Variants in SNTG1 observed in about 807,000 individuals in gnomAD.
SNTG1 encodes the protein gamma-1-syntrophin.
In SNTG1, 39 loss-of-function variants were observed where a neutral mutation model predicts 74.7. That is an observed-to-expected ratio of 0.52 (90% CI 0.40 to 0.68). SNTG1 has a LOEUF of 0.68. Ranked by LOEUF, SNTG1 falls within the 30% of genes least tolerant of loss-of-function variation. The probability of loss-of-function intolerance (pLI) is 0.00; values close to 1 mark genes in which losing one functional copy is unlikely to be tolerated. For missense variants in SNTG1, 685 were observed against 609.5 expected (o/e 1.12, Z -1.30); for synonymous variants, 254 against 217.1 (o/e 1.17, Z -1.49).
intron 2 of SNTG1, among the ~76,000 whole-genome samples, chr8:50,203,222 A>G (rs1218106950): frequency 2.0e-5 from 3 of 152,100 alleles, no homozygotes; most frequent in African/African-American, 7.2e-5. Context: ...AGAGTTTTTC[A>G]GTTCTAGCAT....
At chr8:50,569,589 C>T (rs575441593) in intron 12 of SNTG1, among the ~76,000 whole-genome samples, 4 of 150,526 alleles carry the variant, frequency 2.7e-5, no homozygotes, top group African/African-American at 7.3e-5. Flanking sequence ...ATTGAAAAGG[C>T]TCAACAAAGC....
At chr8:50,536,835 T>C (rs754693309) in intron 11 of SNTG1, 27 bp downstream of exon 11, 2 of 1,608,000 alleles carry the variant, frequency 1.2e-6, no homozygotes, top group Non-Finnish European at 1.7e-6. Flanking sequence ...GAGTTATGAC[T>C]GTTTTGTTTA....
chr8:50,704,049 GC>G (rs2095435220), intron 15 of SNTG1, among the ~76,000 whole-genome samples: 1 of 152,048 alleles, frequency 6.6e-6, no homozygotes, highest in Non-Finnish European at 1.5e-5. Flanking sequence ...CCAAGAAATT[GC>G]CAGCATCAAA....
At chr8:50,075,772 G>A (rs1010457669) in intron 1 of SNTG1, among the ~76,000 whole-genome samples, 1 of 152,136 alleles carries the variant, frequency 6.6e-6, no homozygotes, top group Non-Finnish European at 1.5e-5. Flanking sequence ...CCCCCTGGGA[G>A]GAATGAACAA....
intron 18 of SNTG1, among the ~76,000 whole-genome samples, chr8:50,765,403 GT>G (rs2095611190): frequency 6.6e-6 from 1 of 151,948 alleles, no homozygotes; most frequent in Non-Finnish European, 1.5e-5. Flanking sequence ...CCACTATCTT[GT>G]TTGGGGGATA....
intron 17 of SNTG1, among the ~76,000 whole-genome samples, chr8:50,735,756 C>A (rs1209112725): frequency 5.3e-5 from 8 of 151,900 alleles, no homozygotes; most frequent in Admixed American, 5.3e-4. Context: ...CATTCAAATT[C>A]AGGAAATACA....
chr8:50,076,468 A>C (rs563155118), intron 1 of SNTG1, among the ~76,000 whole-genome samples: 1 of 152,214 alleles, frequency 6.6e-6, no homozygotes, highest in African/African-American at 2.4e-5. Flanking sequence ...AACCATTTTG[A>C]GTGGACTATA....
intron 2 of SNTG1, among the ~76,000 whole-genome samples, chr8:50,217,960 G>A (rs1203196934): frequency 6.6e-6 from 1 of 152,138 alleles, no homozygotes; most frequent in East Asian, 1.9e-4. Flanking sequence ...TCTTAATGTT[G>A]TTAAGTTCTG....
chr8:50,299,362 C>T lies in SNTG1; in HGVS notation c.-27-94850C>T, dbSNP rs575222111. Among the ~76,000 whole-genome samples, 10 of 151,960 alleles carry T rather than the reference C, an allele frequency of 6.6e-5. No individual in the cohort carries two copies. The South Asian group carries it at 2.1e-3, about 32-fold the overall frequency. On this transcript the variant is annotated intron_variant, in intron 2 of 18. Transcript: ENST00000642720. The stretch of plus-strand genomic sequence containing the variant: ...TTCCTCCTCATTATTGTTATTGTTG[C>T]CATTGTTTTAGTGAAAAAGAAAGAA...
At chr8:50,391,549 C>T (rs1465199721) in intron 2 of SNTG1, among the ~76,000 whole-genome samples, 2 of 152,166 alleles carry the variant, frequency 1.3e-5, no homozygotes, top group African/African-American at 2.4e-5. Context: ...TGTTGTGTCT[C>T]TGCCAGACTT....
intron 1 of SNTG1, among the ~76,000 whole-genome samples, chr8:49,952,707 G>C (rs546173193): frequency 6.6e-6 from 1 of 152,180 alleles, no homozygotes; most frequent in South Asian, 2.1e-4. Flanking sequence ...AGTGGACTAG[G>C]CCACACATGA....
rs557515681 is a variant in SNTG1, at chr8:50,512,393, C to T, written c.466+9513C>T. Among the ~76,000 whole-genome samples, 422 of 152,000 alleles carry T rather than the reference C, an allele frequency of 2.8e-3. 1 individual carries two copies. The highest frequency in any genetic ancestry group is 6.9e-3 in the Middle Eastern group (2 of 290). On this transcript the variant is annotated intron_variant, in intron 9 of 18. Coordinates refer to ENST00000642720, the MANE Select transcript of SNTG1 (RefSeq NM_018967.5). Reference sequence around the variant, plus strand: ...TTTGGTGAATCTGACAATTATGTGTCTTGGAGTTGCTCTTCTCGAGGAGTA... The same window carrying T: ...TTTGGTGAATCTGACAATTATGTGTTTTGGAGTTGCTCTTCTCGAGGAGTA...
At chr8:50,420,529 A>C (rs940131807) in intron 4 of SNTG1, among the ~76,000 whole-genome samples, 1 of 152,176 alleles carries the variant, frequency 6.6e-6, no homozygotes, top group Non-Finnish European at 1.5e-5. Context: ...CTCTCTCAAC[A>C]GAGAGGAAAT....
intron 1 of SNTG1, among the ~76,000 whole-genome samples, chr8:50,054,991 AT>A (rs1020685962): frequency 2.0e-5 from 3 of 152,020 alleles, no homozygotes; most frequent in Non-Finnish European, 2.9e-5. Flanking sequence ...TAGGCCTTCA[AT>A]TTTTTTTAAA....
At chr8:50,526,794 T>C (rs2094223797) in intron 9 of SNTG1, among the ~76,000 whole-genome samples, 1 of 152,066 alleles carries the variant, frequency 6.6e-6, no homozygotes, top group African/African-American at 2.4e-5. Context: ...AGGCTAATTT[T>C]TGTATTTTTA....
chr8:50,761,349 G>C (rs180776072), intron 18 of SNTG1, among the ~76,000 whole-genome samples: 6 of 151,958 alleles, frequency 3.9e-5, no homozygotes, highest in African/African-American at 7.2e-5. Context: ...GTGTTAAGGT[G>C]GGGGAGGGGA....
At chr8:50,199,523 A>G (rs570679602) in intron 2 of SNTG1, among the ~76,000 whole-genome samples, 1 of 152,246 alleles carries the variant, frequency 6.6e-6, no homozygotes, top group East Asian at 1.9e-4. Flanking sequence ...GGCAGGACTT[A>G]ACTTCTGATG....
chr8:50,474,418 A>G (rs2093678999), intron 8 of SNTG1, among the ~76,000 whole-genome samples: 1 of 152,014 alleles, frequency 6.6e-6, no homozygotes, highest in Non-Finnish European at 1.5e-5. Context: ...TGGGCGAAGG[A>G]TATGAATAGA....
At chr8:50,458,350 T>G (rs972189720) in intron 8 of SNTG1, among the ~76,000 whole-genome samples, 1 of 152,168 alleles carries the variant, frequency 6.6e-6, no homozygotes, top group African/African-American at 2.4e-5. Context: ...AAAGAAGAGC[T>G]CTTGGATATT....
Sources: gnomAD v4.1 joint callset for allele counts (sites outside exome capture counted in the v4.1 genomes callset) on GRCh38, gnomAD v4.1.1 for gene constraint, MANE v1.5 for transcripts, NCBI Gene and HGNC (gene_info 2026-07-23, HGNC 2026-07-21) for gene names.